Variants in A2M observed in about 807,000 individuals in gnomAD.
A2M encodes the protein C3 and PZP-like alpha-2-macroglobulin domain-containing protein 5.
Under a neutral mutation model 183.9 loss-of-function variants are expected in A2M, and 128 were observed. The observed-to-expected ratio is 0.70, with a 90% CI of 0.60 to 0.81. The LOEUF is 0.81. Ranked by LOEUF, A2M falls within the 30% of genes least tolerant of loss-of-function variation. The probability of loss-of-function intolerance (pLI) is 0.00; values close to 1 mark genes in which losing one functional copy is unlikely to be tolerated. For missense variants in A2M, 1,495 were observed against 1,787.6 expected (o/e 0.84, Z 2.95); for synonymous variants, 592 against 670.8 (o/e 0.88, Z 1.81).
Position 9,099,467 on chromosome 12 carries a change from G to T in A2M, c.1615C>A (p.Arg539=). ...GGTAAAACAGCATAGATGAGCAACC[G>T]AGCGACAGGAGCAATGTCTGACTTC... The part of the protein sequence containing the change: ...PVKSDIAPVA[R]LLIYAVLPTG... The change falls in exon 14 of 36, where the codon CGG becomes AGG. Residue 539 remains arginine, a synonymous_variant. Coordinates refer to ENST00000318602, the MANE Select transcript of A2M (RefSeq NM_000014.6). 1 of 1,608,810 alleles carries T rather than the reference G, an allele frequency of 6.2e-7. No homozygotes were observed. Among genetic ancestry groups the T allele is most frequent in the Non-Finnish European group, 8.5e-7 (1 of 1,177,692 alleles).
Position 9,090,449 on chromosome 12 carries a change from G to A in A2M, c.2503C>T (p.Leu835=). ...TGTTCCTTCTCCACTGGGACAGCTAGGAAGGCGGGAGAGGCTTCCAGCTGC... is the reference window on the plus strand; with the variant it reads ...TGTTCCTTCTCCACTGGGACAGCTAAGAAGGCGGGAGAGGCTTCCAGCTGC... ...SVQLEASPAF[L]AVPVEKEQAP... The change falls in exon 20 of 36, where the codon CTA becomes TTA. Residue 835 remains leucine, a synonymous_variant. Coordinates refer to ENST00000318602, the MANE Select transcript of A2M (RefSeq NM_000014.6). 4 of 1,613,946 alleles carry A rather than the reference G, an allele frequency of 2.5e-6. No individual in the cohort carries two copies. The highest frequency in any genetic ancestry group is 3.4e-6 in the Non-Finnish European group (4 of 1,179,872).
rs117922502 is a variant in A2M, at chr12:9,095,387, G to A, written c.2013+152C>T. ...TTCCAGCTTAGTTCAGCAGCTTTTC[G>A]CAGATCTGCTGCTATTAGTAGAGAA... On this transcript the variant is annotated intron_variant, in intron 16 of 35. Transcript: ENST00000318602. 1.6e-4 allele frequency among the ~76,000 whole-genome samples: 25 copies of A among 152,146 alleles called. No homozygotes were observed. In the East Asian group the frequency reaches 4.6e-3, roughly 28 times the overall value.
chr12:9,109,762 T>C, intron 6 of A2M, 105 bp downstream of exon 6: 1 of 1,150,250 alleles, frequency 8.7e-7, no homozygotes, highest in Non-Finnish European at 1.2e-6. Context: ...CCAAGCCCAA[T>C]GTCACCCATG....
chr12:9,113,217 T>A, intron 2 of A2M, 143 bp downstream of exon 2: 1 of 799,308 alleles, frequency 1.3e-6, no homozygotes, highest in Non-Finnish European at 1.9e-6. Flanking sequence ...GCATTGCTCC[T>A]TAATTTCTAT....
intron 25 of A2M, 57 bp from the exon 26 acceptor site, chr12:9,077,914 C>T (rs935454797): frequency 1.9e-6 from 3 of 1,605,500 alleles, no homozygotes; most frequent in Non-Finnish European, 2.6e-6. Context: ...TTTATAACCA[C>T]TTCACAGCAA....
intron 7 of A2M, among the ~76,000 whole-genome samples, chr12:9,108,649 A>G (rs226387): frequency 0.56 from 85,149 of 152,032 alleles, 25,439 homozygotes; most frequent in African/African-American, 0.76. Context: ...TGATCTTTGG[A>G]CAGGACTATA....
chr12:9,090,212 G>C, intron 20 of A2M, 144 bp downstream of exon 20: 1 of 1,388,876 alleles, frequency 7.2e-7, no homozygotes, highest in Non-Finnish European at 1.0e-6. Flanking sequence ...GGATATCCTT[G>C]TAGGCATCTT....
chr12:9,067,981 A>C, intron 35 of A2M, 142 bp from the exon 36 acceptor site: 1 of 979,322 alleles, frequency 1.0e-6, no homozygotes, highest in South Asian at 1.4e-5. Flanking sequence ...CCAAATCATT[A>C]CCCATAAGCA....
intron 4 of A2M, chr12:9,111,623 A>T (rs770489381): frequency 9.3e-6 from 4 of 430,684 alleles, no homozygotes; most frequent in Non-Finnish European, 1.8e-5. Context: ...GCTAGAAGAG[A>T]AGAGTTGCCT....
intron 11 of A2M, among the ~76,000 whole-genome samples, chr12:9,102,541 T>G (rs1193556982): frequency 6.6e-6 from 1 of 152,168 alleles, no homozygotes; most frequent in Non-Finnish European, 1.5e-5. Flanking sequence ...TAATGCTCCC[T>G]GCAATCTGGA....
intron 2 of A2M, 68 bp downstream of exon 2, chr12:9,113,292 C>G: frequency 6.5e-7 from 1 of 1,531,116 alleles, no homozygotes; most frequent in Non-Finnish European, 8.9e-7. Flanking sequence ...CCTCATCTGA[C>G]AGAATACTAG....
rs367589745 is a variant in A2M, at chr12:9,112,225, A to G, written c.431-14T>C. 4.2e-5 allele frequency: 68 copies of G among 1,613,668 alleles called. No individual in the cohort carries two copies. Among genetic ancestry groups the G allele is most frequent in the Non-Finnish European group, 5.8e-5 (68 of 1,179,772 alleles). ...CACGAAATTTCACTGAAACAGAAAT[A>G]TTTTTCATGAGCCCCCAAACCCAAA... is the stretch of plus-strand genomic sequence containing the variant. On this transcript the variant is annotated splice_polypyrimidine_tract_variant and intron_variant, in intron 3 of 35. Transcript: ENST00000318602.
chr12:9,082,733 CAAAG>C (rs1948943164), intron 22 of A2M, among the ~76,000 whole-genome samples: 1 of 152,062 alleles, frequency 6.6e-6, no homozygotes, highest in South Asian at 2.1e-4. Flanking sequence ...AAATCACTGA[CAAAG>C]AATTCAGAAT....
Position 9,079,764 on chromosome 12 carries a change from G to A in A2M, c.2906C>T (p.Pro969Leu), listed in dbSNP as rs187174798. ...MQNTQNLLQM[P>L]YGCGEQNMVL... ...CATATTCTGCTCTCCACAGCCATAGGGCATCTGGAGAAGATTTTGTGTGTT... is the reference window on the plus strand; with the variant it reads ...CATATTCTGCTCTCCACAGCCATAGAGCATCTGGAGAAGATTTTGTGTGTT... The change falls in exon 24 of 36, where the codon CCC (proline) becomes CTC (leucine). Residue 969 changes from proline to leucine, a missense_variant. Transcript: ENST00000318602. 1 of 1,613,022 alleles carries A rather than the reference G, an allele frequency of 6.2e-7. No individual in the cohort carries two copies. The highest frequency in any genetic ancestry group is 1.7e-5 in the Admixed American group (1 of 59,866).
intron 20 of A2M, 116 bp downstream of exon 20, chr12:9,090,239 GA>G (rs2137786907): frequency 1.3e-6 from 2 of 1,518,176 alleles, no homozygotes; most frequent in Non-Finnish European, 9.1e-7. Context: ...AAAGGCAAAG[GA>G]AAAAAATCGC....
chr12:9,112,754 G>A, intron 2 of A2M: 1 of 544,574 alleles, frequency 1.8e-6, no homozygotes, highest in Non-Finnish European at 3.3e-6. Flanking sequence ...AAGAGAGGTT[G>A]TAAGTGAGAT....
At chr12:9,112,319 T>G in intron 3 of A2M, 58 bp downstream of exon 3, 1 of 1,598,720 alleles carries the variant, frequency 6.3e-7, no homozygotes, top group Non-Finnish European at 8.6e-7. Flanking sequence ...CTGGGGAACA[T>G]CCAGGGGAAG....
At position 9,109,356 on chromosome 12, in the gene A2M, G is replaced by C. The variant is rs1249029080; in HGVS notation, c.723C>G (p.Ile241Met). Residue 241 changes from isoleucine (I) to methionine (M), a missense_variant, in exon 7 of 36, where the codon ATC (isoleucine) becomes ATG (methionine). Transcript: ENST00000318602. ...VQVTVPKIIT[I>M]LEEEMNVSVC... is the part of the protein sequence containing the mutation. The stretch of plus-strand genomic sequence containing the variant: ...CTGATACATTCATCTCTTCTTCCAA[G>C]ATGGTGATTATCTTTGGCACTGTTA... The C allele has an allele frequency of 6.2e-7, 1 of 1,613,332 alleles. No homozygotes were observed. The highest frequency in any genetic ancestry group is 1.3e-5 in the African/African-American group (1 of 74,910).
intron 10 of A2M, among the ~76,000 whole-genome samples, chr12:9,105,257 C>T (rs1269227448): frequency 2.0e-5 from 3 of 152,118 alleles, no homozygotes; most frequent in Non-Finnish European, 4.4e-5. Flanking sequence ...GCTGCATGTA[C>T]AAAGACAAGA....
Sources: gnomAD v4.1 joint callset for allele counts (sites outside exome capture counted in the v4.1 genomes callset) on GRCh38, gnomAD v4.1.1 for gene constraint, MANE v1.5 for transcripts, NCBI Gene and HGNC (gene_info 2026-07-23, HGNC 2026-07-21) for gene names.